PHKA1: variants seen among roughly 807,000 people sequenced by gnomAD.
PHKA1 encodes phosphorylase b kinase regulatory subunit alpha, skeletal muscle isoform.
Under a neutral mutation model 110.2 loss-of-function variants are expected in PHKA1, and 60 were observed. That is an observed-to-expected ratio of 0.54 (90% CI 0.44 to 0.68). PHKA1 has a LOEUF of 0.68. PHKA1 is among the 30% of genes least tolerant of loss of function. The pLI, the probability that PHKA1 is intolerant of heterozygous loss-of-function variation, is 0.00. For synonymous variants in PHKA1, 316 were observed against 333.6 expected (o/e 0.95, Z 0.58); for missense variants, 801 against 942.5 (o/e 0.85, Z 1.97).
At chrX:72,687,810 AT>A (rs1355319025) in intron 4 of PHKA1, among the ~76,000 whole-genome samples, 8 of 108,466 alleles carry the variant, frequency 7.4e-5, no homozygotes. Flanking sequence ...TGTTTATAGT[AT>A]TTTTTTATTA....
intron 14 of PHKA1, among the ~76,000 whole-genome samples, chrX:72,642,386 G>A (rs1450378712): frequency 2.7e-5 from 3 of 111,573 alleles, no homozygotes; most frequent in Non-Finnish European, 5.7e-5. Flanking sequence ...AGAGAATCAG[G>A]TCAAAATCAC....
At chrX:72,598,231 C>A (rs2052615332) in intron 28 of PHKA1, among the ~76,000 whole-genome samples, 1 of 111,257 alleles carries the variant, frequency 9.0e-6, no homozygotes, top group Non-Finnish European at 1.9e-5. Flanking sequence ...AGAAGATAAA[C>A]AAATGGCCAT....
intron 29 of PHKA1, among the ~76,000 whole-genome samples, chrX:72,586,138 T>A (rs1214314783): frequency 8.9e-6 from 1 of 112,296 alleles, no homozygotes; most frequent in Non-Finnish European, 1.9e-5. Flanking sequence ...TCCCTGACCC[T>A]CGTGTAGCTT....
intron 5 of PHKA1, among the ~76,000 whole-genome samples, chrX:72,683,328 C>G (rs1433964779): frequency 8.9e-6 from 1 of 111,851 alleles, no homozygotes; most frequent in Non-Finnish European, 1.9e-5. Context: ...GTCACAACTA[C>G]TCAGGAGGCT....
intron 23 of PHKA1, 108 bp downstream of exon 23, chrX:72,609,516 G>A (rs1556256656): frequency 1.7e-6 from 1 of 583,197 alleles, no homozygotes; most frequent in Non-Finnish European, 3.1e-6. Context: ...CTCTGATAGA[G>A]GTGAACATAT....
At chrX:72,699,507 CAAAAAA>C (rs1171276586) in intron 3 of PHKA1, among the ~76,000 whole-genome samples, 1 of 16,943 alleles carries the variant, frequency 5.9e-5, no homozygotes, top group Non-Finnish European at 1.2e-4. Flanking sequence ...GACTCCATCT[CAAAAAA>C]AAAAAAAAAA....
At chrX:72,667,255 T>C (rs2053625044) in intron 7 of PHKA1, 120 bp downstream of exon 7, 1 of 547,590 alleles carries the variant, frequency 1.8e-6, no homozygotes, top group South Asian at 2.5e-5. Flanking sequence ...TTTTGGTACA[T>C]GGTAATTAAT....
At chrX:72,703,821 C>T (rs1556330998) in intron 3 of PHKA1, among the ~76,000 whole-genome samples, 1 of 112,278 alleles carries the variant, frequency 8.9e-6, no homozygotes, top group Admixed American at 9.5e-5. Context: ...TGCCTGTAGG[C>T]AGTCACTTTA....
At chrX:72,627,542 G>A (rs2053094881) in intron 16 of PHKA1, among the ~76,000 whole-genome samples, 1 of 112,100 alleles carries the variant, frequency 8.9e-6, no homozygotes, top group African/African-American at 3.2e-5. Flanking sequence ...TTCATGATCT[G>A]CTTTCTAACT....
At chrX:72,648,881 T>C (rs112849666) in intron 13 of PHKA1, among the ~76,000 whole-genome samples, 1,546 of 112,029 alleles carry the variant, frequency 0.014, 21 homozygotes, top group African/African-American at 0.037. Context: ...GCTAAAAGTA[T>C]AGGTAGAAGG....
intron 21 of PHKA1, among the ~76,000 whole-genome samples, chrX:72,613,666 A>T: frequency 8.9e-6 from 1 of 112,033 alleles, no homozygotes; most frequent in Non-Finnish European, 1.9e-5. Flanking sequence ...ACATCTCTAC[A>T]GGATACTTTT....
chrX:72,687,668 A>AT (rs1377932552), intron 4 of PHKA1, among the ~76,000 whole-genome samples: 2 of 109,824 alleles, frequency 1.8e-5, no homozygotes, highest in African/African-American at 6.7e-5. Context: ...GTGTGTGTGT[A>AT]TTTGCTCAGC....
rs1289406438 is a variant in PHKA1 at position 72,658,921 on chromosome X, G to A, written c.865-1280C>T. 3.6e-5 allele frequency among the ~76,000 whole-genome samples: 4 copies of A among 111,872 alleles called. No homozygotes were observed. In the Admixed American group the frequency reaches 3.8e-4, roughly 11 times the overall value. On this transcript the variant is annotated intron_variant, in intron 8 of 31. Coordinates refer to ENST00000373542, the MANE Select transcript of PHKA1 (RefSeq NM_002637.4). ...TTTGTAACTATTAAATATTTTGGGG[G>A]AGATACTGTGAGACTATTCGAACAC...
intron 7 of PHKA1, 66 bp downstream of exon 7, chrX:72,667,309 C>T: frequency 2.5e-6 from 2 of 787,823 alleles, no homozygotes; most frequent in Non-Finnish European, 3.8e-6. Context: ...TAATCTAAAG[C>T]TCATGCTTAA....
intron 29 of PHKA1, among the ~76,000 whole-genome samples, chrX:72,589,092 C>A (rs2052478163): frequency 9.0e-6 from 1 of 111,648 alleles, no homozygotes; most frequent in African/African-American, 3.3e-5. Flanking sequence ...CCAGCATCAG[C>A]CTGATACCAA....
intron 28 of PHKA1, among the ~76,000 whole-genome samples, chrX:72,599,300 T>C (rs1556238856): frequency 8.9e-6 from 1 of 111,790 alleles, no homozygotes; most frequent in Non-Finnish European, 1.9e-5. Flanking sequence ...TTATGAGTCT[T>C]TGATTTAAAC....
chrX:72,666,023 TA>T, intron 8 of PHKA1, 127 bp downstream of exon 8: 1 of 673,019 alleles, frequency 1.5e-6, no homozygotes, highest in Non-Finnish European at 2.3e-6. Flanking sequence ...AAAGAAACTA[TA>T]AAGACAACTC....
intron 21 of PHKA1, 145 bp downstream of exon 21, chrX:72,618,565 G>A: frequency 2.1e-6 from 1 of 483,426 alleles, no homozygotes; most frequent in Non-Finnish European, 3.6e-6. Context: ...GAGGACAACT[G>A]AGGGTTTGAA....
At chrX:72,592,730 T>G (rs782187434) in intron 29 of PHKA1, among the ~76,000 whole-genome samples, 2 of 112,505 alleles carry the variant, frequency 1.8e-5, no homozygotes, top group Non-Finnish European at 3.7e-5. Flanking sequence ...ACTCTACTGA[T>G]AGCACGTTGC....
Sources: gnomAD v4.1 joint callset for allele counts (sites outside exome capture counted in the v4.1 genomes callset) on GRCh38, gnomAD v4.1.1 for gene constraint, MANE v1.5 for transcripts, NCBI Gene and HGNC (gene_info 2026-07-23, HGNC 2026-07-21) for gene names.